The following SEMA6D variants were observed in gnomAD, a reference collection of about 807,000 sequenced individuals.
SEMA6D encodes semaphorin 6D, also known as semaphorin-6D.
SEMA6D carries 35 observed loss-of-function variants against 106.6 expected under a neutral mutation model. The ratio of observed to expected loss-of-function variants is 0.33; its 90% CI spans 0.25 to 0.44. SEMA6D has a LOEUF of 0.44. Among genes scored for constraint, SEMA6D ranks in the 20% least tolerant of loss-of-function variants. SEMA6D has a pLI of 1.00. For missense variants in SEMA6D, 1,185 were observed against 1,345.9 expected, an observed-to-expected ratio of 0.88 and a Z score of 1.87; for synonymous variants, 499 against 487.7, an observed-to-expected ratio of 1.02 and a Z score of -0.31.
At chr15:47,724,917 G>T (rs1008971486) in intron 1 of SEMA6D, among the ~76,000 whole-genome samples, 1 of 152,170 alleles carries the variant, frequency 6.6e-6, no homozygotes, top group Non-Finnish European at 1.5e-5. Context: ...ACACATGAAC[G>T]TTGCAAGGAG....
intron 1 of SEMA6D, among the ~76,000 whole-genome samples, chr15:47,364,391 G>C (rs985962814): frequency 6.6e-6 from 1 of 152,126 alleles, no homozygotes; most frequent in African/African-American, 2.4e-5. Context: ...TCAGTCACTC[G>C]AAAGATGCCA....
At chr15:47,670,576 A>G (rs900974252) in intron 4 of SEMA6D, among the ~76,000 whole-genome samples, 2 of 151,850 alleles carry the variant, frequency 1.3e-5, no homozygotes, top group African/African-American at 4.8e-5. Context: ...AATGAAGCTT[A>G]GTAGGTTTTC....
At chr15:47,745,597 C>A (rs1305629479) in intron 1 of SEMA6D, among the ~76,000 whole-genome samples, 1 of 152,222 alleles carries the variant, frequency 6.6e-6, no homozygotes, top group Non-Finnish European at 1.5e-5. Flanking sequence ...CCTAAACTCC[C>A]ATTTTGCCTC....
At chr15:47,200,614 T>TTACA (rs1894658969) in intron 1 of SEMA6D, among the ~76,000 whole-genome samples, 1 of 152,148 alleles carries the variant, frequency 6.6e-6, no homozygotes. Context: ...CTAACCAGCT[T>TTACA]TAAATTTATG....
chr15:47,250,442 AGAAAG>A (rs1291104342), intron 1 of SEMA6D, among the ~76,000 whole-genome samples: 1 of 151,506 alleles, frequency 6.6e-6, no homozygotes, highest in African/African-American at 2.4e-5. Flanking sequence ...CAAATCCTGA[AGAAAG>A]AAAGAAAGAA....
At chr15:47,240,351 G>A (rs906219053) in intron 1 of SEMA6D, among the ~76,000 whole-genome samples, 117 of 152,248 alleles carry the variant, frequency 7.7e-4, no homozygotes, top group African/African-American at 2.6e-3. Flanking sequence ...TACTTCCCTG[G>A]CTTTCAGATT....
intron 3 of SEMA6D, among the ~76,000 whole-genome samples, chr15:47,575,794 A>G (rs913146332): frequency 7.4e-6 from 1 of 134,408 alleles, no homozygotes; most frequent in South Asian, 2.5e-4. Context: ...TGATCTCTTT[A>G]AAAAATCAAT....
chr15:47,449,669 A>G (rs545834977), intron 2 of SEMA6D, among the ~76,000 whole-genome samples: 2 of 152,198 alleles, frequency 1.3e-5, no homozygotes, highest in South Asian at 2.1e-4. Context: ...CACATCGTAC[A>G]TGGAATTTGA....
chr15:47,196,411 C>T (rs536172509), intron 1 of SEMA6D, among the ~76,000 whole-genome samples: 1 of 152,230 alleles, frequency 6.6e-6, no homozygotes, highest in Admixed American at 6.5e-5. Context: ...CTTGGGAGAC[C>T]TCCTGGAGGA....
chr15:47,521,917 G>A (rs953879639), intron 3 of SEMA6D, among the ~76,000 whole-genome samples: 5 of 151,940 alleles, frequency 3.3e-5, no homozygotes, highest in Non-Finnish European at 4.4e-5. Context: ...CCTGGGAGGC[G>A]GAGCTTGCAG....
intron 2 of SEMA6D, among the ~76,000 whole-genome samples, chr15:47,438,300 C>G (rs1390243262): frequency 1.3e-5 from 2 of 152,082 alleles, no homozygotes; most frequent in African/African-American, 4.8e-5. Flanking sequence ...GTAATAGCCT[C>G]CTAAGTCATC....
intron 1 of SEMA6D, among the ~76,000 whole-genome samples, chr15:47,385,344 C>A (rs1364827651): frequency 1.3e-5 from 2 of 152,098 alleles, no homozygotes; most frequent in African/African-American, 4.8e-5. Context: ...TCATAGTAGA[C>A]ATTATGCTCT....
At chr15:47,388,774 G>A (rs281285) in intron 1 of SEMA6D, among the ~76,000 whole-genome samples, 2 of 151,878 alleles carry the variant, frequency 1.3e-5, no homozygotes, top group Non-Finnish European at 2.9e-5. Context: ...ATAGGAGGAG[G>A]CATAATGGAG....
intron 3 of SEMA6D, among the ~76,000 whole-genome samples, chr15:47,556,735 G>A (rs191816745): frequency 8.5e-5 from 13 of 152,224 alleles, no homozygotes; most frequent in Admixed American, 5.2e-4. Flanking sequence ...TCCCAACAGA[G>A]TGAGCCCTAG....
chr15:47,740,781 G>A (rs1275565733), intron 1 of SEMA6D, among the ~76,000 whole-genome samples: 1 of 152,130 alleles, frequency 6.6e-6, no homozygotes, highest in Non-Finnish European at 1.5e-5. Flanking sequence ...GTAGGTCCCT[G>A]CTGCACCACT....
intron 1 of SEMA6D, among the ~76,000 whole-genome samples, chr15:47,259,059 A>G (rs2033945194): frequency 6.6e-6 from 1 of 152,108 alleles, no homozygotes; most frequent in African/African-American, 2.4e-5. Flanking sequence ...ATGCATATGA[A>G]CATTTTACCA....
intron 4 of SEMA6D, among the ~76,000 whole-genome samples, chr15:47,601,435 A>G (rs1020808136): frequency 6.6e-6 from 1 of 152,190 alleles, no homozygotes. Flanking sequence ...ATTAAATAAC[A>G]TAATAGGGAT....
intron 3 of SEMA6D, among the ~76,000 whole-genome samples, chr15:47,488,738 G>T (rs553104546): frequency 5.1e-4 from 78 of 152,272 alleles, no homozygotes; most frequent in Non-Finnish European, 5.1e-4. Context: ...GTGTGAATGA[G>T]CAGGGCCTGG....
intron 2 of SEMA6D, among the ~76,000 whole-genome samples, chr15:47,444,873 C>T (rs921037384): frequency 1.3e-5 from 2 of 152,104 alleles, no homozygotes; most frequent in African/African-American, 4.8e-5. Context: ...GCTCAGTGTC[C>T]TCTTGGTACC....
Sources: gnomAD v4.1 joint callset for allele counts (sites outside exome capture counted in the v4.1 genomes callset) on GRCh38, gnomAD v4.1.1 for gene constraint, MANE v1.5 for transcripts, NCBI Gene and HGNC (gene_info 2026-07-23, HGNC 2026-07-21) for gene names.